RUNX1: variants seen among roughly 807,000 people sequenced by gnomAD.
RUNX1 encodes RUNX family transcription factor 1.
RUNX1 carries 19 observed loss-of-function variants against 42.8 expected under a neutral mutation model. The observed-to-expected ratio is 0.44, with a 90% CI of 0.31 to 0.65. The LOEUF (loss-of-function observed/expected upper bound fraction) is 0.65, where lower values mean the gene tolerates loss of function less well. Ranked by LOEUF, RUNX1 falls within the 30% of genes least tolerant of loss-of-function variation. The pLI, the probability that RUNX1 is intolerant of heterozygous loss-of-function variation, is 0.07. For synonymous variants in RUNX1, 271 were observed against 289.4 expected (o/e 0.94, Z 0.64); for missense variants, 528 against 672.0 (o/e 0.79, Z 2.37).
chr21:34,940,186 A>G (rs2058516495), intron 2 of RUNX1, among the ~76,000 whole-genome samples: 1 of 152,124 alleles, frequency 6.6e-6, no homozygotes, highest in South Asian at 2.1e-4. Flanking sequence ...GCTACTGAGA[A>G]TCTTGTGGAA....
At position 34,821,744 on chromosome 21, in the gene RUNX1, A is replaced by G. The variant is rs182470978; in HGVS notation, c.805+12666T>C. 5.1e-4 allele frequency: 775 copies of G among 1,518,092 alleles called. 5 individuals are homozygous for G. The African/African-American group carries it at 8.5e-3, about 17-fold the overall frequency. 94.0% of individuals were successfully genotyped at this position (1,518,092 alleles called of 1,614,324 possible). On this transcript the variant is annotated intron_variant, in intron 7 of 8. Coordinates refer to ENST00000675419, the MANE Select transcript of RUNX1 (RefSeq NM_001754.5). ...GGGAGAAAGTTCGAAAATAAGGACA[A>G]TTCTTTATAGAGCCGCGAATGCATT... is the stretch of plus-strand genomic sequence containing the variant.
At chr21:34,952,101 C>G (rs1441189938) in intron 2 of RUNX1, among the ~76,000 whole-genome samples, 1 of 152,072 alleles carries the variant, frequency 6.6e-6, no homozygotes, top group Non-Finnish European at 1.5e-5. Context: ...CTGGAAATCA[C>G]CATTCTCAGC....
intron 2 of RUNX1, among the ~76,000 whole-genome samples, chr21:35,026,682 CTTG>C (rs765148872): frequency 2.0e-5 from 3 of 152,200 alleles, no homozygotes; most frequent in Admixed American, 6.5e-5. Context: ...CGCCCGGGGA[CTTG>C]TTGGTGGATC....
At chr21:34,958,304 A>C (rs1312788157) in intron 2 of RUNX1, among the ~76,000 whole-genome samples, 2 of 152,190 alleles carry the variant, frequency 1.3e-5, no homozygotes, top group African/African-American at 4.8e-5. Context: ...CCAGCTAGGC[A>C]AATGATTTTA....
intron 2 of RUNX1, among the ~76,000 whole-genome samples, chr21:35,004,513 G>A (rs943417605): frequency 1.4e-4 from 22 of 152,186 alleles, no homozygotes; most frequent in Admixed American, 5.9e-4. Context: ...TCAGGACCTA[G>A]CTGAGGGCGT....
At chr21:34,975,215 A>G (rs1218005375) in intron 2 of RUNX1, among the ~76,000 whole-genome samples, 2 of 152,330 alleles carry the variant, frequency 1.3e-5, no homozygotes, top group East Asian at 3.9e-4. Context: ...AATACCTACA[A>G]ATCAGACCGA....
intron 2 of RUNX1, among the ~76,000 whole-genome samples, chr21:34,938,590 C>G (rs1400794754): frequency 6.6e-5 from 10 of 151,950 alleles, no homozygotes; most frequent in African/African-American, 2.2e-4. Context: ...TTCTTTTATT[C>G]TTGGAAATTA....
At chr21:35,046,549 G>C (rs966839840) in intron 2 of RUNX1, among the ~76,000 whole-genome samples, 2 of 152,200 alleles carry the variant, frequency 1.3e-5, no homozygotes, top group African/African-American at 2.4e-5. Context: ...TGAGAACTCT[G>C]GGGGAGAGCC....
At chr21:34,981,764 T>A (rs1007267511) in intron 2 of RUNX1, among the ~76,000 whole-genome samples, 1 of 151,134 alleles carries the variant, frequency 6.6e-6, no homozygotes, top group South Asian at 2.1e-4. Context: ...TGGTGGCCTA[T>A]TTTTTTTTGT....
At chr21:35,029,693 C>G (rs2059260126) in intron 2 of RUNX1, among the ~76,000 whole-genome samples, 1 of 152,196 alleles carries the variant, frequency 6.6e-6, no homozygotes, top group Admixed American at 6.5e-5. Flanking sequence ...TAGCTTCTCT[C>G]TTAAGGGGAT....
chr21:35,021,723 C>T (rs527380222), intron 2 of RUNX1, among the ~76,000 whole-genome samples: 1 of 152,216 alleles, frequency 6.6e-6, no homozygotes, highest in East Asian at 1.9e-4. Context: ...CTGCGCTGAC[C>T]TCATCTCTGC....
At chr21:34,988,322 C>T (rs1224713364) in intron 2 of RUNX1, among the ~76,000 whole-genome samples, 2 of 152,160 alleles carry the variant, frequency 1.3e-5, no homozygotes, top group Non-Finnish European at 2.9e-5. Flanking sequence ...CATTGCTGCA[C>T]TTTCGAGGAC....
intron 2 of RUNX1, among the ~76,000 whole-genome samples, chr21:34,987,757 A>C (rs576119754): frequency 6.6e-6 from 1 of 152,352 alleles, no homozygotes; most frequent in Non-Finnish European, 1.5e-5. Context: ...CTCTGCAGAA[A>C]CAGGAATTCG....
chr21:34,887,322 G>A, intron 3 of RUNX1: 1 of 1,455,218 alleles, frequency 6.9e-7, no homozygotes, highest in Non-Finnish European at 9.0e-7. Context: ...CTGGTTCTGC[G>A]GATCGGCCTC....
intron 6 of RUNX1, among the ~76,000 whole-genome samples, chr21:34,837,429 C>A (rs562475664): frequency 6.6e-6 from 1 of 152,130 alleles, no homozygotes; most frequent in African/African-American, 2.4e-5. Flanking sequence ...CAAGCTAGAT[C>A]GAAGGAACAT....
chr21:35,045,930 G>A (rs909456963), intron 2 of RUNX1, among the ~76,000 whole-genome samples: 2 of 152,140 alleles, frequency 1.3e-5, no homozygotes, highest in African/African-American at 4.8e-5. Flanking sequence ...AGAGGCATGT[G>A]AGTGTTCAGG....
intron 5 of RUNX1, among the ~76,000 whole-genome samples, chr21:34,861,777 C>G (rs576213243): frequency 2.6e-5 from 4 of 152,188 alleles, no homozygotes; most frequent in Non-Finnish European, 4.4e-5. Flanking sequence ...AACGGGCAGT[C>G]ACTCAGTCAC....
At chr21:34,860,836 T>G (rs996274725) in intron 5 of RUNX1, among the ~76,000 whole-genome samples, 1 of 152,184 alleles carries the variant, frequency 6.6e-6, no homozygotes, top group Non-Finnish European at 1.5e-5. Context: ...AATGAAAATA[T>G]AATCTTTGGC....
chr21:34,949,719 C>T (rs1301744033), intron 2 of RUNX1, among the ~76,000 whole-genome samples: 1 of 152,266 alleles, frequency 6.6e-6, no homozygotes, highest in Non-Finnish European at 1.5e-5. Flanking sequence ...CGTCCTGTCA[C>T]AGCGTGGAGT....
Sources: allele counts gnomAD v4.1 joint callset (sites outside exome capture counted in the v4.1 genomes callset), GRCh38; gene constraint gnomAD v4.1.1; transcripts MANE v1.5; gene names NCBI Gene and HGNC (gene_info 2026-07-23, HGNC 2026-07-21).